The following RNF130 variants were observed in gnomAD, a reference collection of about 807,000 sequenced individuals.
RNF130 encodes ring finger protein 130.
Under a neutral mutation model 44.6 loss-of-function variants are expected in RNF130, and 21 were observed. That is an observed-to-expected ratio of 0.47 (90% CI 0.33 to 0.68). RNF130 has a LOEUF of 0.68. Ranked by LOEUF, RNF130 falls within the 30% of genes least tolerant of loss-of-function variation. The pLI is 0.02. For synonymous variants in RNF130, 214 were observed against 210.4 expected (o/e 1.02, Z -0.15); for missense variants, 479 against 560.6 (o/e 0.85, Z 1.47).
intron 7 of RNF130, among the ~76,000 whole-genome samples, chr5:179,934,928 TTTG>T (rs984352173): frequency 1.3e-5 from 2 of 152,220 alleles, no homozygotes; most frequent in African/African-American, 4.8e-5. Flanking sequence ...TTTGATTTAG[TTTG>T]TTGTTCTTTG....
intron 1 of RNF130, among the ~76,000 whole-genome samples, chr5:180,044,673 A>C (rs78678378): frequency 6.6e-6 from 1 of 152,074 alleles, no homozygotes; most frequent in African/African-American, 2.4e-5. Flanking sequence ...CTCTACTAAA[A>C]ATACAAAAAT....
exon 8 of RNF130, chr5:179,916,134 G>A (rs1761541407): frequency 6.6e-6 from 1 of 152,188 alleles, no homozygotes; most frequent in Admixed American, 6.6e-5. Context: ...AGTGGTTAAT[G>A]TCAACCACCG....
intron 4 of RNF130, among the ~76,000 whole-genome samples, chr5:179,978,577 C>T (rs1762765775): frequency 6.6e-6 from 1 of 152,080 alleles, no homozygotes; most frequent in Non-Finnish European, 1.5e-5. Context: ...CAGCTTGGAC[C>T]ATCATGATCT....
intron 1 of RNF130, among the ~76,000 whole-genome samples, chr5:180,042,528 C>G (rs1764446074): frequency 1.3e-5 from 2 of 152,138 alleles, no homozygotes; most frequent in African/African-American, 2.4e-5. Flanking sequence ...AATCCTGAAA[C>G]AGATTGTTTA....
intron 8 of RNF130, among the ~76,000 whole-genome samples, chr5:179,962,434 G>C (rs1401508112): frequency 2.0e-5 from 3 of 152,114 alleles, no homozygotes; most frequent in African/African-American, 7.2e-5. Flanking sequence ...AATCAGTTTG[G>C]TTATTACTCA....
At chr5:179,945,822 G>A (rs1253840950) in intron 7 of RNF130, among the ~76,000 whole-genome samples, 2 of 151,066 alleles carry the variant, frequency 1.3e-5, no homozygotes, top group Non-Finnish European at 2.9e-5. Flanking sequence ...GTGCATGCAC[G>A]CTTCCAGATG....
At chr5:180,040,817 C>T (rs1019054123) in intron 1 of RNF130, among the ~76,000 whole-genome samples, 170 bp from the exon 2 acceptor site, 1 of 152,192 alleles carries the variant, frequency 6.6e-6, no homozygotes, top group Non-Finnish European at 1.5e-5. Context: ...TGAATCAGTA[C>T]CTATAGGGAG....
chr5:180,056,222 A>G (rs1764817184), intron 1 of RNF130, among the ~76,000 whole-genome samples: 1 of 151,584 alleles, frequency 6.6e-6, no homozygotes, highest in Admixed American at 6.6e-5. Context: ...CTCTTAGCCT[A>G]AGTGTTGAGC....
chr5:179,999,712 G>A (rs1763290650), intron 3 of RNF130, among the ~76,000 whole-genome samples: 1 of 151,958 alleles, frequency 6.6e-6, no homozygotes, highest in Non-Finnish European at 1.5e-5. Flanking sequence ...GCGAGACTCC[G>A]TCTCAAAAAA....
At chr5:179,920,112 C>A in exon 8 of RNF130, 3 of 507,510 alleles carry the variant, frequency 5.9e-6, no homozygotes, top group Non-Finnish European at 1.1e-5. Context: ...GTTTTCAATA[C>A]CACAAGGCTC....
intron 1 of RNF130, among the ~76,000 whole-genome samples, chr5:180,041,253 ATC>A (rs1424575582): frequency 6.6e-6 from 1 of 152,242 alleles, no homozygotes; most frequent in East Asian, 1.9e-4. Flanking sequence ...TTAAAATAAC[ATC>A]TAAGTAGAAT....
At chr5:180,025,142 T>G (rs562141427) in intron 2 of RNF130, among the ~76,000 whole-genome samples, 63 of 152,332 alleles carry the variant, frequency 4.1e-4, no homozygotes, top group Non-Finnish European at 5.9e-4. Context: ...CTAACACCTA[T>G]AGCCTAAGGC....
intron 1 of RNF130, among the ~76,000 whole-genome samples, chr5:180,067,141 A>G (rs1023907553): frequency 6.6e-6 from 1 of 152,246 alleles, no homozygotes; most frequent in Non-Finnish European, 1.5e-5. Context: ...AAGATTAGAC[A>G]GGGCAAGGTG....
At chr5:180,002,850 T>C (rs1469897010) in intron 3 of RNF130, among the ~76,000 whole-genome samples, 1 of 152,136 alleles carries the variant, frequency 6.6e-6, no homozygotes, top group Non-Finnish European at 1.5e-5. Flanking sequence ...TTGTTCAGGC[T>C]TTTTTTGCAA....
At chr5:180,038,712 T>C (rs1764336033) in intron 2 of RNF130, among the ~76,000 whole-genome samples, 1 of 151,986 alleles carries the variant, frequency 6.6e-6, no homozygotes, top group African/African-American at 2.4e-5. Flanking sequence ...GTAATTTAAT[T>C]TTTTTTTAAG....
At chr5:179,963,064 C>T (rs1272435273) in intron 8 of RNF130, among the ~76,000 whole-genome samples, 2 of 152,216 alleles carry the variant, frequency 1.3e-5, no homozygotes, top group South Asian at 2.1e-4. Flanking sequence ...GCACGGCCGC[C>T]GGGGCTTCCC....
At chr5:179,997,346 T>TG (rs1380168883) in intron 3 of RNF130, among the ~76,000 whole-genome samples, 3 of 151,734 alleles carry the variant, frequency 2.0e-5, no homozygotes, top group African/African-American at 4.8e-5. Flanking sequence ...TTTTTTGAGA[T>TG]GGAGTCTCGC....
intron 7 of RNF130, among the ~76,000 whole-genome samples, chr5:179,946,440 T>TA (rs534382141): frequency 1.3e-5 from 2 of 151,734 alleles, no homozygotes; most frequent in African/African-American, 4.8e-5. Flanking sequence ...GGGACTTTTA[T>TA]AAAAAAAACT....
intron 3 of RNF130, among the ~76,000 whole-genome samples, chr5:180,001,502 G>C (rs1399482695): frequency 6.6e-6 from 1 of 152,160 alleles, no homozygotes; most frequent in African/African-American, 2.4e-5. Context: ...TTGTAGCTGT[G>C]ATTCTATCCC....
Sources: allele counts gnomAD v4.1 joint callset (sites outside exome capture counted in the v4.1 genomes callset), GRCh38; gene constraint gnomAD v4.1.1; transcripts MANE v1.5; gene names NCBI Gene and HGNC (gene_info 2026-07-23, HGNC 2026-07-21).